MALRD1: variants seen among roughly 807,000 people sequenced by gnomAD.
MALRD1 encodes MAM and LDL-receptor class A domain-containing protein 1.
In MALRD1, 247 loss-of-function variants were observed where a neutral mutation model predicts 242.1. The observed-to-expected ratio is 1.02, with a 90% CI of 0.92 to 1.13. The LOEUF (loss-of-function observed/expected upper bound fraction) is 1.13, where lower values mean the gene tolerates loss of function less well. Ranked by LOEUF, MALRD1 falls within the 50% of genes most tolerant of loss-of-function variation. The probability of loss-of-function intolerance (pLI) is 0.00; values close to 1 mark genes in which losing one functional copy is unlikely to be tolerated. For missense variants in MALRD1, 2,989 were observed against 2,533.1 expected, an observed-to-expected ratio of 1.18 and a Z score of -3.86; for synonymous variants, 995 against 866.6, an observed-to-expected ratio of 1.15 and a Z score of -2.60.
At chr10:19,555,477 G>A (rs1243735811) in intron 32 of MALRD1, among the ~76,000 whole-genome samples, 1 of 152,090 alleles carries the variant, frequency 6.6e-6, no homozygotes, top group African/African-American at 2.4e-5. Flanking sequence ...TGCAAATACA[G>A]GTGTCAGAGG....
At chr10:19,691,371 T>C (rs772233066) in intron 36 of MALRD1, among the ~76,000 whole-genome samples, 16 of 152,084 alleles carry the variant, frequency 1.1e-4, no homozygotes, top group Non-Finnish European at 2.1e-4. Flanking sequence ...AATTTTCAAA[T>C]TTAAAAGTGA....
intron 33 of MALRD1, among the ~76,000 whole-genome samples, chr10:19,579,061 T>A (rs1836973448): frequency 6.6e-6 from 1 of 152,136 alleles, no homozygotes; most frequent in South Asian, 2.1e-4. Flanking sequence ...TACTCTAAAG[T>A]TTAGGTTAAG....
chr10:19,432,947 A>G (rs1336272028), intron 28 of MALRD1, among the ~76,000 whole-genome samples: 1 of 152,206 alleles, frequency 6.6e-6, no homozygotes, highest in Non-Finnish European at 1.5e-5. Context: ...TTTACATTCC[A>G]TGCACACTCA....
At chr10:19,434,526 TTTCTA>T (rs1169007160) in intron 28 of MALRD1, among the ~76,000 whole-genome samples, 1 of 151,974 alleles carries the variant, frequency 6.6e-6, no homozygotes, top group Non-Finnish European at 1.5e-5. Context: ...GAATATAACT[TTTCTA>T]TTACTCAATT....
intron 38 of MALRD1, among the ~76,000 whole-genome samples, chr10:19,715,888 A>G (rs566898022): frequency 6.6e-6 from 1 of 152,316 alleles, no homozygotes; most frequent in South Asian, 2.1e-4. Flanking sequence ...GAACTCACTC[A>G]TTACTGCAAG....
At chr10:19,602,936 C>G (rs1165286228) in intron 34 of MALRD1, among the ~76,000 whole-genome samples, 2 of 152,150 alleles carry the variant, frequency 1.3e-5, no homozygotes, top group Non-Finnish European at 2.9e-5. Context: ...TTGCATTTCT[C>G]TGATGGCCAG....
At chr10:19,399,079 A>T (rs1368802480) in intron 28 of MALRD1, among the ~76,000 whole-genome samples, 2 of 152,134 alleles carry the variant, frequency 1.3e-5, no homozygotes, top group African/African-American at 4.8e-5. Flanking sequence ...GTATTATAAG[A>T]TCTGAGAGAA....
chr10:19,050,017 G>C (rs536682533), intron 1 of MALRD1, among the ~76,000 whole-genome samples: 3 of 151,836 alleles, frequency 2.0e-5, no homozygotes, highest in East Asian at 3.9e-4. Flanking sequence ...GTAGCTATTG[G>C]TGCGGTTAAT....
chr10:19,470,821 T>C (rs1836453707), intron 29 of MALRD1, among the ~76,000 whole-genome samples: 1 of 151,902 alleles, frequency 6.6e-6, no homozygotes, highest in East Asian at 1.9e-4. Context: ...ATATTTTGGA[T>C]ATTAGTCCCT....
chr10:19,554,547 A>G (rs978179892), intron 32 of MALRD1, among the ~76,000 whole-genome samples: 7 of 151,680 alleles, frequency 4.6e-5, no homozygotes, highest in Admixed American at 4.6e-4. Flanking sequence ...TCCCTCCCCA[A>G]CCCCACTCCC....
chr10:19,715,746 C>A (rs1229868331), intron 38 of MALRD1, among the ~76,000 whole-genome samples: 2 of 152,190 alleles, frequency 1.3e-5, no homozygotes, highest in Non-Finnish European at 1.5e-5. Context: ...GGTGAGGCCT[C>A]AGGCAACTTA....
intron 36 of MALRD1, among the ~76,000 whole-genome samples, chr10:19,639,750 C>T (rs1327444683): frequency 6.6e-6 from 1 of 152,156 alleles, no homozygotes; most frequent in South Asian, 2.1e-4. Flanking sequence ...GGAAGCTAAG[C>T]ACAGTATCAT....
intron 5 of MALRD1, among the ~76,000 whole-genome samples, chr10:19,107,398 T>A (rs566105872): frequency 6.6e-6 from 1 of 152,076 alleles, no homozygotes; most frequent in African/African-American, 2.4e-5. Flanking sequence ...TTATCCATTT[T>A]TTCAGTTTTC....
chr10:19,083,281 T>C (rs561190410), intron 2 of MALRD1, among the ~76,000 whole-genome samples: 1 of 152,138 alleles, frequency 6.6e-6, no homozygotes, highest in Admixed American at 6.6e-5. Context: ...TAACTCTGCA[T>C]TAGTTTCCAT....
At chr10:19,207,671 G>A (rs4611097) in intron 17 of MALRD1, among the ~76,000 whole-genome samples, 22 of 151,772 alleles carry the variant, frequency 1.4e-4, no homozygotes, top group African/African-American at 5.3e-4. Context: ...CGGATAATTT[G>A]TTTGTATTTT....
chr10:19,520,951 T>A (rs1288302117), intron 31 of MALRD1, among the ~76,000 whole-genome samples: 3 of 152,200 alleles, frequency 2.0e-5, no homozygotes, highest in Non-Finnish European at 4.4e-5. Context: ...TTTGTCTACA[T>A]TTATTTAAAA....
intron 18 of MALRD1, among the ~76,000 whole-genome samples, chr10:19,228,147 A>T (rs933455663): frequency 6.6e-6 from 1 of 151,710 alleles, no homozygotes; most frequent in African/African-American, 2.4e-5. Flanking sequence ...TCATCCTTGA[A>T]GTTCATAGCA....
chr10:19,585,192 G>A (rs956828483), intron 33 of MALRD1, among the ~76,000 whole-genome samples: 1 of 152,116 alleles, frequency 6.6e-6, no homozygotes, highest in Non-Finnish European at 1.5e-5. Flanking sequence ...TTGCCGGTCT[G>A]TGTCTTTTAA....
chr10:19,710,688 T>G (rs1834067275), intron 38 of MALRD1: 1 of 152,230 alleles, frequency 6.6e-6, no homozygotes, highest in Non-Finnish European at 1.5e-5. Context: ...CATATTCTAA[T>G]TATTTGGTCT....
Sources: allele counts gnomAD v4.1 joint callset (sites outside exome capture counted in the v4.1 genomes callset), GRCh38; gene constraint gnomAD v4.1.1; transcripts MANE v1.5; gene names NCBI Gene and HGNC (gene_info 2026-07-23, HGNC 2026-07-21).